The following AP3D1 variants were observed in gnomAD, a reference collection of about 807,000 sequenced individuals.
AP3D1 encodes adaptor related protein complex 3 subunit delta 1.
Under a neutral mutation model 147.6 loss-of-function variants are expected in AP3D1, and 51 were observed. The ratio of observed to expected loss-of-function variants is 0.35; its 90% CI spans 0.28 to 0.44. AP3D1 has a LOEUF of 0.44. Ranked by LOEUF, AP3D1 falls within the 20% of genes least tolerant of loss-of-function variation. AP3D1 has a pLI of 1.00. For synonymous variants in AP3D1, 760 were observed against 663.0 expected (o/e 1.15, Z -2.25); for missense variants, 1,421 against 1,624.2 (o/e 0.87, Z 2.15).
At chr19:2,139,439 C>T (rs763076378) in intron 1 of AP3D1, among the ~76,000 whole-genome samples, 5 of 152,190 alleles carry the variant, frequency 3.3e-5, no homozygotes, top group African/African-American at 7.2e-5. Context: ...ACTAACTGCG[C>T]GTGTCTCCAG....
intron 1 of AP3D1, chr19:2,164,120 C>G (rs2019816316): frequency 1.6e-6 from 1 of 626,458 alleles, no homozygotes; most frequent in South Asian, 7.1e-5. Context: ...CTCCTCCGCC[C>G]ACCGGCGGCC....
At position 2,120,891 on chromosome 19, in the gene AP3D1, A is replaced by G; in HGVS notation, c.1452T>C (p.Ala484=). ...AGAACTCCCCGCAGATCCAGGCGGC[A>G]GCGTACAGCACCTCACAGATCCCGT... ...QRNGICEVLY[A]AAWICGEFSE... is the part of the protein sequence containing the mutation. Residue 484 remains alanine (A), a synonymous_variant, in exon 14 of 32, where the codon GCT becomes GCC. Transcript: ENST00000643116. 1 of 1,610,502 alleles carries G rather than the reference A, an allele frequency of 6.2e-7. No homozygotes were observed. The highest frequency in any genetic ancestry group is 8.5e-7 in the Non-Finnish European group (1 of 1,179,872).
Position 2,115,380 on chromosome 19 carries a change from C to T in AP3D1, c.2188G>A (p.Glu730Lys), listed in dbSNP as rs1482766798. The change falls in exon 20 of 32, where the codon GAG becomes AAG. Residue 730 changes from glutamate to lysine, a missense_variant. By Grantham distance (56) the Glu-to-Lys change is moderately conservative. Around this residue, in one of 6 missense-constraint regions of AP3D1, gnomAD observed 791 missense variants for 761.4 expected, o/e 1.04. Transcript: ENST00000643116. ...MSDQYVKLEEERRHRQKLEKD... is the reference protein window; with the variant it reads ...MSDQYVKLEEKRRHRQKLEKD... ...TCCAGCTTCTGCCGGTGCCGCCGCTCCTCCTCCAGCTTCACATACTGATCT... is the reference window on the plus strand; with the variant it reads ...TCCAGCTTCTGCCGGTGCCGCCGCTTCTCCTCCAGCTTCACATACTGATCT... 1 of 1,606,894 alleles carries T rather than the reference C, an allele frequency of 6.2e-7. No homozygotes were observed. The highest frequency in any genetic ancestry group is 1.7e-5 in the Admixed American group (1 of 60,030).
intron 1 of AP3D1, among the ~76,000 whole-genome samples, chr19:2,161,009 C>A (rs1213347195): frequency 1.3e-5 from 2 of 152,060 alleles, no homozygotes; most frequent in African/African-American, 4.8e-5. Flanking sequence ...GACTGCATCC[C>A]ATGATCCACC....
rs746654797 is a variant in AP3D1 at position 2,109,139 on chromosome 19, C to T, written c.3419G>A (p.Arg1140Gln). 25 of 1,608,748 alleles carry T rather than the reference C, an allele frequency of 1.6e-5. No homozygotes were observed. Among genetic ancestry groups the T allele is most frequent in the African/African-American group, 1.2e-4 (9 of 74,528 alleles). The change falls in exon 30 of 32, where the codon CGG becomes CAG. Residue 1140 changes from arginine to glutamine, a missense_variant. Physicochemically the swap from Arg to Gln is conservative, Grantham distance 43. Transcript: ENST00000643116. ...CGCCAGAAGATTCTGGAAGGACATCCGAATGCCATCGACTTTGATTGAGCT... is the reference window on the plus strand; with the variant it reads ...CGCCAGAAGATTCTGGAAGGACATCTGAATGCCATCGACTTTGATTGAGCT... ...SMSSIKVDGI[R>Q]MSFQNLLAKI...
At chr19:2,162,287 C>T (rs1172112780) in intron 1 of AP3D1, among the ~76,000 whole-genome samples, 3 of 149,412 alleles carry the variant, frequency 2.0e-5, no homozygotes, top group African/African-American at 4.9e-5. Context: ...CCACCCGCCT[C>T]GGCCTCCCAA....
At chr19:2,113,028 CCCAGACAGCCTCCATG>C in intron 23 of AP3D1, 61 bp from the exon 24 acceptor site, 1 of 1,239,474 alleles carries the variant, frequency 8.1e-7, no homozygotes, top group East Asian at 2.5e-5. Context: ...TCCACTGCAC[CCCAGACAGCCTCCATG>C]CCACACACCC....
In AP3D1 at chr19:2,127,467, G is replaced by A. The variant is rs535657746; in HGVS notation, c.807-266C>T. Among the ~76,000 whole-genome samples the A allele has an allele frequency of 3.9e-5, 6 of 152,006 alleles. No homozygotes were observed. In the South Asian group the frequency reaches 6.2e-4, roughly 16 times the overall value. ...CAGGGACGGACCACGCACCCCCGGCGGCCTGTGAGATGGCAATACCGCCTT... is the reference window on the plus strand; with the variant it reads ...CAGGGACGGACCACGCACCCCCGGCAGCCTGTGAGATGGCAATACCGCCTT... On this transcript the variant is annotated intron_variant, in intron 8 of 31. Transcript: ENST00000643116.
At chr19:2,116,390 T>C (rs2018449957) in intron 17 of AP3D1, 112 bp from the exon 18 acceptor site, 1 of 1,298,294 alleles carries the variant, frequency 7.7e-7, no homozygotes, top group Non-Finnish European at 1.0e-6. Flanking sequence ...CTATTTTCAC[T>C]ACTGAGCTTT....
chr19:2,130,687 T>C, intron 5 of AP3D1, 150 bp from the exon 6 acceptor site: 1 of 1,256,942 alleles, frequency 8.0e-7, no homozygotes, highest in Non-Finnish European at 1.1e-6. Flanking sequence ...ACCAGCATCT[T>C]GGATGGCATG....
chr19:2,142,977 T>G (rs2019261149), intron 1 of AP3D1, among the ~76,000 whole-genome samples: 1 of 151,956 alleles, frequency 6.6e-6, no homozygotes, highest in Non-Finnish European at 1.5e-5. Flanking sequence ...TTGGCCAGGC[T>G]GATCTCGAAC....
Position 2,130,455 on chromosome 19 carries a change from C to T in AP3D1, c.545G>A (p.Arg182His), listed in dbSNP as rs752716340. 4 of 1,614,064 alleles carry T rather than the reference C, an allele frequency of 2.5e-6. No homozygotes were observed. Among genetic ancestry groups the T allele is most frequent in the Admixed American group, 3.3e-5 (2 of 60,028 alleles). Residue 182 changes from arginine to histidine, a missense_variant, in exon 6 of 32, where the codon CGC becomes CAC. This residue lies in a region of AP3D1 where 292 missense variants were observed against 412.0 expected (regional missense o/e 0.71). Transcript: ENST00000643116. Reference protein sequence around the residue: ...KVFLKYPESLRPAFPRLKEKL... With the variant: ...KVFLKYPESLHPAFPRLKEKL... The stretch of plus-strand genomic sequence containing the variant: ...CTCCTTCAGCCGGGGAAAGGCAGGG[C>T]GCAGCGACTCGGGGTACTTCAGGAA...
chr19:2,150,362 G>C (rs1240490270), intron 1 of AP3D1, among the ~76,000 whole-genome samples: 1 of 152,220 alleles, frequency 6.6e-6, no homozygotes, highest in East Asian at 1.9e-4. Flanking sequence ...AATGAAGCCA[G>C]ACACGTGGTG....
At chr19:2,112,544 T>G (rs2018313293) in intron 24 of AP3D1, 1 of 265,052 alleles carries the variant, frequency 3.8e-6, no homozygotes, top group East Asian at 7.4e-5. Context: ...GGAATGGAGC[T>G]TCTTTAGGGG....
At chr19:2,163,734 G>A (rs951138693) in intron 1 of AP3D1, among the ~76,000 whole-genome samples, 2 of 151,920 alleles carry the variant, frequency 1.3e-5, no homozygotes, top group African/African-American at 2.4e-5. Context: ...TGGGGGAAGG[G>A]GTCGGCCGAG....
intron 31 of AP3D1, among the ~76,000 whole-genome samples, chr19:2,105,811 G>A (rs530142657): frequency 8.5e-5 from 13 of 152,338 alleles, no homozygotes; most frequent in East Asian, 5.8e-4. Flanking sequence ...AATGGCTGCC[G>A]TCAGCCGGGC....
At chr19:2,126,722 C>A (rs548155016) in intron 9 of AP3D1, among the ~76,000 whole-genome samples, 1 of 151,242 alleles carries the variant, frequency 6.6e-6, no homozygotes, top group Admixed American at 6.6e-5. Context: ...TAAGTATCCA[C>A]GGGTGAAACG....
Position 2,111,332 on chromosome 19 carries a change from G to A in AP3D1, c.2938C>T (p.Pro980Ser), listed in dbSNP as rs561924813. 2.5e-5 allele frequency: 40 copies of A among 1,613,970 alleles called. No individual in the cohort carries two copies. Among genetic ancestry groups the A allele is most frequent in the Non-Finnish European group, 3.1e-5 (36 of 1,180,018 alleles). The change falls in exon 26 of 32, where the codon CCT becomes TCT. Residue 980 changes from proline to serine, a missense_variant and splice_region_variant. This residue lies in a region of AP3D1 where 791 missense variants were observed against 761.4 expected (regional missense o/e 1.04). Coordinates refer to ENST00000643116, the MANE Select transcript of AP3D1 (RefSeq NM_001261826.3). The stretch of plus-strand genomic sequence containing the variant: ...GCGAGGAGGGAGTAGCTGGACTCAG[G>A]CTGGAAATAGAAAAGGCGCATCAGC... ...NGAPEEEQLP[P>S]ESSYSLLAEN...
chr19:2,116,292 C>G lies in AP3D1; in HGVS notation c.2002-14G>C, dbSNP rs1193062971. 3 of 1,613,332 alleles carry G rather than the reference C, an allele frequency of 1.9e-6. No homozygotes were observed. The highest frequency in any genetic ancestry group is 3.3e-5 in the Admixed American group (2 of 59,956). ...GGCCTCTCGGCGCTGTGGGACACAG[C>G]TTGGCATGAGCCCGAGAGAAGCGGG... On this transcript the variant is annotated splice_polypyrimidine_tract_variant and intron_variant, in intron 17 of 31. Transcript: ENST00000643116.
Sources: gnomAD v4.1 joint callset for allele counts (sites outside exome capture counted in the v4.1 genomes callset) on GRCh38, gnomAD v4.1.1 for gene constraint, gnomAD v4.1.1 regional missense constraint, MANE v1.5 for transcripts, NCBI Gene and HGNC (gene_info 2026-07-23, HGNC 2026-07-21) for gene names.